The following KIAA1217 variants were observed in gnomAD, a reference collection of about 807,000 sequenced individuals.
KIAA1217 encodes the protein sickle tail protein homolog.
A neutral mutation model predicts 163.9 loss-of-function variants in KIAA1217; 88 were observed. That is an observed-to-expected ratio of 0.54 (90% CI 0.45 to 0.64). The LOEUF (loss-of-function observed/expected upper bound fraction) is 0.64. KIAA1217 is among the 30% of genes least tolerant of loss of function. The pLI is 0.00. For missense variants in KIAA1217, 2,372 were observed against 2,475.0 expected (o/e 0.96, Z 0.88); for synonymous variants, 903 against 923.1 (o/e 0.98, Z 0.39).
intron 1 of KIAA1217, among the ~76,000 whole-genome samples, chr10:23,845,727 G>A (rs1588934613): frequency 6.6e-6 from 1 of 151,962 alleles, no homozygotes; most frequent in Non-Finnish European, 1.5e-5. Context: ...GTGGAAGAAA[G>A]CTCTTTAATT....
At chr10:24,459,382 T>C (rs1474463492) in intron 5 of KIAA1217, among the ~76,000 whole-genome samples, 1 of 152,238 alleles carries the variant, frequency 6.6e-6, no homozygotes, top group Non-Finnish European at 1.5e-5. Flanking sequence ...TGCACTCATT[T>C]GACACTTAGC....
chr10:23,918,016 C>T (rs1190536232), intron 1 of KIAA1217, among the ~76,000 whole-genome samples: 1 of 150,590 alleles, frequency 6.6e-6, no homozygotes, highest in Non-Finnish European at 1.5e-5. Flanking sequence ...TTTTATCCCA[C>T]AATTTTTTTT....
chr10:23,865,070 A>C (rs187476994), intron 1 of KIAA1217, among the ~76,000 whole-genome samples: 3 of 152,206 alleles, frequency 2.0e-5, no homozygotes, highest in Non-Finnish European at 4.4e-5. Context: ...TCTGGAAACC[A>C]CAGGCTATAA....
chr10:24,219,926 A>T lies in KIAA1217; in HGVS notation c.354+17A>T. 6.4e-7 allele frequency: 1 copy of T among 1,567,010 alleles called. No homozygotes were observed. Among genetic ancestry groups the T allele is most frequent in the Non-Finnish European group, 8.6e-7 (1 of 1,159,608 alleles). ...AGAGACCAGGTACGAATATGCTCTCATTTCTCCTTGTGTAGCTCGCTCTCT... is the reference window on the plus strand; with the variant it reads ...AGAGACCAGGTACGAATATGCTCTCTTTTCTCCTTGTGTAGCTCGCTCTCT... On this transcript the variant is annotated intron_variant, in intron 2 of 20. Transcript: ENST00000376454.
chr10:23,816,243 T>C, intron 1 of KIAA1217, among the ~76,000 whole-genome samples: 1 of 152,232 alleles, frequency 6.6e-6, no homozygotes, highest in African/African-American at 2.4e-5. Flanking sequence ...ACTTTGATCC[T>C]TAGGGGAAGT....
intron 1 of KIAA1217, among the ~76,000 whole-genome samples, chr10:23,802,613 T>C (rs191501299): frequency 2.0e-5 from 3 of 152,358 alleles, no homozygotes; most frequent in Admixed American, 6.5e-5. Flanking sequence ...AGCTATCCTT[T>C]CTGTGCTTCT....
intron 1 of KIAA1217, among the ~76,000 whole-genome samples, chr10:23,960,854 A>G (rs144866018): frequency 0.012 from 1,845 of 152,348 alleles, 34 homozygotes; most frequent in African/African-American, 0.043. Context: ...ACATCTGTGG[A>G]TATGAACTAC....
chr10:24,484,241 A>ATATATATATATTTTTTTTTTTTTTT (rs1376083298), intron 6 of KIAA1217, among the ~76,000 whole-genome samples: 11 of 75,150 alleles, frequency 1.5e-4, no homozygotes, highest in Admixed American at 3.7e-4. Flanking sequence ...ATATATATAT[A>ATATATATATATTTTTTTTTTTTTTT]TTTTTTTTTT....
intron 2 of KIAA1217, among the ~76,000 whole-genome samples, chr10:24,323,716 G>T (rs2133356442): frequency 6.6e-6 from 1 of 151,928 alleles, no homozygotes; most frequent in East Asian, 1.9e-4. Flanking sequence ...TTCACTGGAA[G>T]AAAAATTTGT....
chr10:23,921,380 G>C (rs893213200), intron 1 of KIAA1217, among the ~76,000 whole-genome samples: 3 of 152,156 alleles, frequency 2.0e-5, no homozygotes, highest in African/African-American at 7.2e-5. Context: ...ATCAGAGAGA[G>C]AACTTGTGTT....
chr10:23,728,840 C>T (rs922341465), intron 1 of KIAA1217, among the ~76,000 whole-genome samples: 13 of 152,178 alleles, frequency 8.5e-5, no homozygotes, highest in African/African-American at 2.9e-4. Flanking sequence ...AAGACAAGCA[C>T]AGCCTCTGCA....
chr10:24,068,543 A>G (rs910423246), intron 2 of KIAA1217, among the ~76,000 whole-genome samples: 1 of 152,056 alleles, frequency 6.6e-6, no homozygotes, highest in African/African-American at 2.4e-5. Flanking sequence ...GACTCTGTTG[A>G]TATCTATAAA....
chr10:24,491,908 A>G (rs943533974), intron 6 of KIAA1217, among the ~76,000 whole-genome samples: 5 of 151,656 alleles, frequency 3.3e-5, no homozygotes, highest in Non-Finnish European at 5.9e-5. Context: ...AAAGCTGTCT[A>G]GACTCTAAAA....
At chr10:24,457,344 T>G (rs891518140) in intron 5 of KIAA1217, among the ~76,000 whole-genome samples, 7 of 130,824 alleles carry the variant, frequency 5.4e-5, no homozygotes, top group East Asian at 2.7e-4. Context: ...GTTTTTTGTT[T>G]TGTGTGTGTG....
intron 1 of KIAA1217, among the ~76,000 whole-genome samples, chr10:23,742,993 C>A (rs536126727): frequency 2.6e-5 from 4 of 152,128 alleles, no homozygotes; most frequent in Non-Finnish European, 5.9e-5. Flanking sequence ...GCTGCCCAAA[C>A]CTGTTCTGCC....
chr10:24,487,518 G>A (rs1412583342), intron 6 of KIAA1217, among the ~76,000 whole-genome samples: 3 of 152,210 alleles, frequency 2.0e-5, no homozygotes, highest in South Asian at 2.1e-4. Flanking sequence ...TACCATCATC[G>A]CCACAGCATT....
intron 2 of KIAA1217, among the ~76,000 whole-genome samples, chr10:24,179,694 T>G (rs900667274): frequency 3.0e-4 from 45 of 152,192 alleles, no homozygotes; most frequent in African/African-American, 1.1e-3. Context: ...GTTCAAGTGA[T>G]TCTTGTCCCT....
intron 1 of KIAA1217, among the ~76,000 whole-genome samples, chr10:23,738,131 A>G (rs569180600): frequency 1.3e-5 from 2 of 152,290 alleles, no homozygotes; most frequent in South Asian, 2.1e-4. Flanking sequence ...AAAGAAAAGT[A>G]TAGTTGATTT....
chr10:24,493,652 A>G (rs1317993526), intron 6 of KIAA1217, among the ~76,000 whole-genome samples: 1 of 152,224 alleles, frequency 6.6e-6, no homozygotes, highest in Non-Finnish European at 1.5e-5. Context: ...TTTCATTAAC[A>G]TCTTGAGATG....
Sources: gnomAD v4.1 joint callset for allele counts (sites outside exome capture counted in the v4.1 genomes callset) on GRCh38, gnomAD v4.1.1 for gene constraint, MANE v1.5 for transcripts, NCBI Gene and HGNC (gene_info 2026-07-23, HGNC 2026-07-21) for gene names.